Variants in HSPA14 observed in about 807,000 individuals in gnomAD.
The protein encoded by HSPA14 is heat shock 70 kDa protein 14.
A neutral mutation model predicts 65.5 loss-of-function variants in HSPA14; 37 were observed. The ratio of observed to expected loss-of-function variants is 0.56; its 90% CI spans 0.43 to 0.74. The LOEUF (loss-of-function observed/expected upper bound fraction) is 0.74. Ranked by LOEUF, HSPA14 falls within the 30% of genes least tolerant of loss-of-function variation. HSPA14 has a pLI of 0.00. For synonymous variants in HSPA14, 203 were observed against 214.2 expected, an observed-to-expected ratio of 0.95 and a Z score of 0.46; for missense variants, 564 against 607.6, an observed-to-expected ratio of 0.93 and a Z score of 0.75.
intron 12 of HSPA14, among the ~76,000 whole-genome samples, chr10:14,868,461 G>A (rs144522772): frequency 3.6e-4 from 55 of 151,944 alleles, no homozygotes; most frequent in African/African-American, 1.1e-3. Flanking sequence ...GTAGAGCCAC[G>A]TTATTTACTT....
At chr10:14,870,779 C>A in intron 13 of HSPA14, 112 bp downstream of exon 13, 1 of 1,045,930 alleles carries the variant, frequency 9.6e-7, no homozygotes, top group Non-Finnish European at 1.3e-6. Context: ...TAAAAACCTA[C>A]AGAGGTTTTT....
chr10:14,869,709 C>T (rs952587236), intron 12 of HSPA14, among the ~76,000 whole-genome samples: 1 of 152,202 alleles, frequency 6.6e-6, no homozygotes, highest in Non-Finnish European at 1.5e-5. Flanking sequence ...GTTTTAAAAG[C>T]GCTTCCACAT....
At chr10:14,838,522 C>T (rs1415353285) in intron 1 of HSPA14, 63 bp downstream of exon 1, 1 of 1,466,912 alleles carries the variant, frequency 6.8e-7, no homozygotes, top group Non-Finnish European at 9.3e-7. Context: ...GGCGCTGGGT[C>T]ATCCACAGGC....
chr10:14,841,437 GTAAGAA>G (rs1833969537), intron 3 of HSPA14, among the ~76,000 whole-genome samples: 1 of 152,166 alleles, frequency 6.6e-6, no homozygotes, highest in South Asian at 2.1e-4. Context: ...ATGCTGCTGT[GTAAGAA>G]ATAATACAGA....
At chr10:14,859,750 G>C (rs867351803) in intron 10 of HSPA14, among the ~76,000 whole-genome samples, 4 of 152,166 alleles carry the variant, frequency 2.6e-5, no homozygotes, top group Non-Finnish European at 5.9e-5. Flanking sequence ...GTAAATCCTA[G>C]ATTTTAAGAC....
intron 10 of HSPA14, among the ~76,000 whole-genome samples, chr10:14,858,931 C>G (rs543035568): frequency 5.3e-5 from 8 of 152,236 alleles, no homozygotes; most frequent in African/African-American, 1.9e-4. Flanking sequence ...ATCACCTGTG[C>G]TCTTCATGCT....
intron 3 of HSPA14, chr10:14,845,813 C>T (rs1030276011): frequency 1.5e-4 from 28 of 185,432 alleles, no homozygotes; most frequent in Non-Finnish European, 2.4e-4. Context: ...CCACCTGCCT[C>T]GGCCTCCCAA....
rs1042158716 is a variant in HSPA14 at position 14,847,909 on chromosome 10, C to T, written c.222-700C>T. 5.3e-5 allele frequency among the ~76,000 whole-genome samples: 8 copies of T among 152,076 alleles called. No homozygotes were observed. The East Asian group carries it at 7.7e-4, about 15-fold the overall frequency. On this transcript the variant is annotated intron_variant, in intron 3 of 13. Transcript: ENST00000378372. ...CCTGCTAAAGTATGAATAATAGTAG[C>T]GTGATAGAGAAGACCTAGGCTCACG...
At chr10:14,838,550 C>T in intron 1 of HSPA14, 91 bp downstream of exon 1, 1 of 1,297,910 alleles carries the variant, frequency 7.7e-7, no homozygotes, top group Non-Finnish European at 1.1e-6. Context: ...CGGCGTGTCG[C>T]CGGCCTAGGG....
intron 10 of HSPA14, among the ~76,000 whole-genome samples, chr10:14,862,376 C>CT (rs753404160): frequency 0.068 from 8,707 of 128,598 alleles, 469 homozygotes; most frequent in African/African-American, 0.13. Context: ...CTTTTCTTTT[C>CT]TTTTTTTTTT....
At position 14,867,103 on chromosome 10, in the gene HSPA14, T is replaced by A; in HGVS notation, c.1014T>A (p.Ser338=). ...DINKVVLCGG[S]SRIPKLQQLI... ...TCTAGGTTGTCCTTTGTGGAGGGTCTTCTCGAATCCCAAAGCTACAGCAAC... is the reference window on the plus strand; with the variant it reads ...TCTAGGTTGTCCTTTGTGGAGGGTCATCTCGAATCCCAAAGCTACAGCAAC... Residue 338 remains serine (S), a synonymous_variant, in exon 11 of 14, where the codon TCT becomes TCA. Transcript: ENST00000378372. 4 of 1,613,384 alleles carry A rather than the reference T, an allele frequency of 2.5e-6. No homozygotes were observed. The highest frequency in any genetic ancestry group is 3.4e-6 in the Non-Finnish European group (4 of 1,179,398).
intron 13 of HSPA14, 125 bp downstream of exon 13, chr10:14,870,792 C>A: frequency 2.3e-6 from 2 of 884,404 alleles, no homozygotes; most frequent in South Asian, 2.1e-5. Flanking sequence ...AGGTTTTTAT[C>A]AGTGAATTAC....
intron 10 of HSPA14, among the ~76,000 whole-genome samples, chr10:14,858,147 G>A (rs117736594): frequency 6.6e-6 from 1 of 152,250 alleles, no homozygotes; most frequent in East Asian, 1.9e-4. Context: ...TACCTTACAA[G>A]TAAGTATTGT....
rs764180064 is a variant in HSPA14 at position 14,839,889 on chromosome 10, G to C, written c.58-16G>C. On this transcript the variant is annotated splice_polypyrimidine_tract_variant and intron_variant, in intron 1 of 13. Coordinates refer to ENST00000378372, the MANE Select transcript of HSPA14 (RefSeq NM_016299.4). Reference sequence around the variant, plus strand: ...TACGTCTAATGAGACTATGTATTTCGTGTTTTTTTCTCTAGGATGGCCGGG... The same window carrying C: ...TACGTCTAATGAGACTATGTATTTCCTGTTTTTTTCTCTAGGATGGCCGGG... The C allele has an allele frequency of 1.3e-6, 2 of 1,599,940 alleles. No individual in the cohort carries two copies. Among genetic ancestry groups the C allele is most frequent in the African/African-American group, 2.7e-5 (2 of 74,652 alleles).
In HSPA14 at chr10:14,852,461, A is replaced by G. The variant is rs572405668; in HGVS notation, c.664A>G (p.Thr222Ala). ...SGIYRVLSTN[T>A]DDNIGGAHFT... ...AATATATCGGGTTCTTTCAACAAAC[A>G]CTGATGATAACATCGGTGGTGCACA... is the stretch of plus-strand genomic sequence containing the variant. Residue 222 changes from threonine to alanine, a missense_variant, in exon 8 of 14, where the codon ACT (threonine) becomes GCT (alanine). Coordinates refer to ENST00000378372, the MANE Select transcript of HSPA14 (RefSeq NM_016299.4). The G allele has an allele frequency of 4.1e-5, 66 of 1,614,020 alleles. No individual in the cohort carries two copies. In the East Asian group the frequency reaches 1.2e-3, roughly 31 times the overall value.
At chr10:14,870,153 T>A (rs1376397423) in intron 12 of HSPA14, among the ~76,000 whole-genome samples, 1 of 152,200 alleles carries the variant, frequency 6.6e-6, no homozygotes, top group African/African-American at 2.4e-5. Flanking sequence ...ACAAAAGAGT[T>A]TGCCATGTTT....
intron 1 of HSPA14, 56 bp downstream of exon 1, chr10:14,838,515 G>T: frequency 6.6e-6 from 10 of 1,505,758 alleles, no homozygotes; most frequent in Non-Finnish European, 7.2e-6. Flanking sequence ...GTTTTCTGGC[G>T]CTGGGTCATC....
In HSPA14 at chr10:14,849,745, C is replaced by G; in HGVS notation, c.401C>G (p.Ser134Ter). The G allele has an allele frequency of 1.2e-6, 2 of 1,611,210 alleles. No homozygotes were observed. Among genetic ancestry groups the G allele is most frequent in the Non-Finnish European group, 8.5e-7 (1 of 1,179,088 alleles). The stretch of plus-strand genomic sequence containing the variant: ...GAAACGGCACATTCTGTATTGGGCT[C>G]AGATGCAAATGATGTAGTTATTACT... ...MKETAHSVLGSDANDVVITVP... is the reference protein window; with the variant it reads ...MKETAHSVLG The change falls in exon 6 of 14, where the codon TCA (serine) becomes TGA (stop). Residue 134 changes from serine to a stop codon, truncating the protein, a stop_gained. Transcript: ENST00000378372. LOFTEE classifies it high-confidence loss of function.
intron 8 of HSPA14, 66 bp downstream of exon 8, chr10:14,852,597 T>G (rs1321233076): frequency 7.5e-7 from 1 of 1,327,470 alleles, no homozygotes; most frequent in Non-Finnish European, 1.0e-6. Context: ...TTAATTTTTT[T>G]TCCTAATTTA....
Sources: allele counts gnomAD v4.1 joint callset (sites outside exome capture counted in the v4.1 genomes callset), GRCh38; gene constraint gnomAD v4.1.1; transcripts MANE v1.5; gene names NCBI Gene and HGNC (gene_info 2026-07-23, HGNC 2026-07-21).